The following EVC2 variants were observed in gnomAD, a reference collection of about 807,000 sequenced individuals.
EVC2 encodes the protein EvC ciliary complex subunit 2.
Under a neutral mutation model 149.3 loss-of-function variants are expected in EVC2, and 148 were observed. That is an observed-to-expected ratio of 0.99 (90% CI 0.87 to 1.14). The LOEUF (loss-of-function observed/expected upper bound fraction) is 1.14, where lower values mean the gene tolerates loss of function less well. Ranked by LOEUF, EVC2 falls within the 50% of genes most tolerant of loss-of-function variation. The pLI is 0.00. For missense variants in EVC2, 1,854 were observed against 1,627.3 expected (o/e 1.14, Z -2.40); for synonymous variants, 776 against 649.9 (o/e 1.19, Z -2.95).
intron 21 of EVC2, among the ~76,000 whole-genome samples, chr4:5,555,175 G>A (rs865937490): frequency 6.6e-6 from 1 of 152,012 alleles, no homozygotes; most frequent in Middle Eastern, 3.4e-3. Flanking sequence ...TATGTTAAGA[G>A]AGGAGATAAA....
At chr4:5,676,214 C>A (rs11729912) in intron 7 of EVC2, among the ~76,000 whole-genome samples, 52,082 of 151,970 alleles carry the variant, frequency 0.34, 9,694 homozygotes, top group East Asian at 0.48. Context: ...ATCCAGGAGA[C>A]AGAAAGGGGA....
intron 13 of EVC2, among the ~76,000 whole-genome samples, chr4:5,623,816 A>AGAGAGGG (rs1715913018): frequency 2.0e-5 from 3 of 152,066 alleles, no homozygotes; most frequent in South Asian, 4.1e-4. Flanking sequence ...CTGCGCCTCC[A>AGAGAGGG]TTTCCCTATC....
intron 17 of EVC2, among the ~76,000 whole-genome samples, chr4:5,577,055 G>A (rs1366099867): frequency 6.6e-6 from 1 of 152,218 alleles, no homozygotes; most frequent in African/African-American, 2.4e-5. Context: ...AGGGTGCCGA[G>A]CACTGCTCTG....
At chr4:5,703,105 G>A (rs1348896992) in intron 1 of EVC2, among the ~76,000 whole-genome samples, 1 of 152,150 alleles carries the variant, frequency 6.6e-6, no homozygotes, top group Non-Finnish European at 1.5e-5. Context: ...ATGGCATACT[G>A]TATAGCAAAA....
chr4:5,566,673 C>T (rs1414597148), intron 20 of EVC2, among the ~76,000 whole-genome samples: 1 of 152,170 alleles, frequency 6.6e-6, no homozygotes, highest in Non-Finnish European at 1.5e-5. Context: ...GGCCATGAGG[C>T]TGGGCAAAGA....
chr4:5,690,639 G>A (rs773996308), intron 4 of EVC2, among the ~76,000 whole-genome samples: 8 of 152,086 alleles, frequency 5.3e-5, no homozygotes, highest in African/African-American at 1.2e-4. Flanking sequence ...TATTCCATCC[G>A]GATTGTCAAA....
In EVC2 at chr4:5,637,964, A is replaced by C. The variant is rs1243084985; in HGVS notation, c.1470+2550T>G. 6.6e-6 allele frequency among the ~76,000 whole-genome samples: 1 copy of C among 152,192 alleles called. No homozygotes were observed. The highest frequency in any genetic ancestry group is 1.5e-5 in the Non-Finnish European group (1 of 68,036). On this transcript the variant is annotated intron_variant, in intron 10 of 21. Coordinates refer to ENST00000344408, the MANE Select transcript of EVC2 (RefSeq NM_147127.5). This position sits in a 1 kb window ranked among gnomAD's most constrained non-coding sequence, Gnocchi z 4.4. Reference sequence around the variant, plus strand: ...TTTTAAAACTCTTTAAAAATGTAAAAAAACATTCTCAACTTGCAGGCCACA... The same window carrying C: ...TTTTAAAACTCTTTAAAAATGTAAACAAACATTCTCAACTTGCAGGCCACA...
chr4:5,696,665 G>A lies in EVC2; in HGVS notation c.283+928C>T, dbSNP rs935354254. 1.1e-4 allele frequency among the ~76,000 whole-genome samples: 16 copies of A among 152,238 alleles called. No individual in the cohort carries two copies. The highest frequency in any genetic ancestry group is 3.9e-4 in the African/African-American group (16 of 41,466). ...CCAGAGGAAAGCAGGGCGGCTGAGA[G>A]GGAAGGAGAAAGGCAGAGCCGTAGG... On this transcript the variant is annotated intron_variant, in intron 2 of 21. Transcript: ENST00000344408. This position sits in a 1 kb window ranked among gnomAD's most constrained non-coding sequence, Gnocchi z 4.1.
chr4:5,602,072 C>A (rs1172462392), intron 16 of EVC2, among the ~76,000 whole-genome samples: 1 of 151,978 alleles, frequency 6.6e-6, no homozygotes, highest in Admixed American at 6.5e-5. Flanking sequence ...GCCAAGAGTT[C>A]AAGACCAGCC....
At chr4:5,693,486 C>A (rs1245968633) in intron 3 of EVC2, among the ~76,000 whole-genome samples, 2 of 152,188 alleles carry the variant, frequency 1.3e-5, no homozygotes, top group Non-Finnish European at 2.9e-5. Flanking sequence ...CCAGCCACAG[C>A]CAAGGATGGC....
At chr4:5,643,548 T>C (rs1717492235) in intron 9 of EVC2, among the ~76,000 whole-genome samples, 1 of 152,262 alleles carries the variant, frequency 6.6e-6, no homozygotes, top group African/African-American at 2.4e-5. Flanking sequence ...CATGTCAATT[T>C]AATTCTTGGG....
At position 5,567,751 on chromosome 4, in the gene EVC2, CG is replaced by C. The variant is rs1722378327; in HGVS notation, c.3557+692del. 6.6e-6 allele frequency among the ~76,000 whole-genome samples: 1 copy of C among 152,068 alleles called. No homozygotes were observed. Among genetic ancestry groups the C allele is most frequent in the Non-Finnish European group, 1.5e-5 (1 of 68,010 alleles). ...TGGGCCCAAACTGAATGTCAAGTGA[CG>C]GGATGACAGTTACATGCTCTATGCT... is the stretch of plus-strand genomic sequence containing the variant. On this transcript the variant is annotated intron_variant, in intron 20 of 21. Transcript: ENST00000344408. The surrounding 1 kb of genome is among the most constrained non-coding windows in gnomAD (Gnocchi z 4.4).
intron 4 of EVC2, 30 bp from the exon 5 acceptor site, chr4:5,689,373 G>T (rs1476244614): frequency 6.2e-7 from 1 of 1,612,732 alleles, no homozygotes; most frequent in Admixed American, 1.7e-5. Context: ...CATGAGGGCA[G>T]ATTTGCTGAC....
chr4:5,703,963 C>A (rs868583928), intron 1 of EVC2, among the ~76,000 whole-genome samples: 2 of 152,044 alleles, frequency 1.3e-5, no homozygotes, highest in Non-Finnish European at 2.9e-5. Flanking sequence ...AGAGGAAAGA[C>A]CCGTGCAAGG....
rs1161122176 is a variant in EVC2 at position 5,640,731 on chromosome 4, C to T, written c.1253G>A (p.Gly418Asp). The T allele has an allele frequency of 3.7e-6, 6 of 1,614,112 alleles. No homozygotes were observed. The highest frequency in any genetic ancestry group is 4.2e-6 in the Non-Finnish European group (5 of 1,180,024). ...TCTCTCTACTTGGGGTGAGAGGTGG[C>T]CACTGCTGGTGAGATTTTTCAGCAG... ...ALLLKNLTSS[G>D]HLSPQVERKM... The change falls in exon 10 of 22, where the codon GGC becomes GAC. Residue 418 changes from glycine to aspartate, a missense_variant. Coordinates refer to ENST00000344408, the MANE Select transcript of EVC2 (RefSeq NM_147127.5). This position sits in a 1 kb window ranked among gnomAD's most constrained non-coding sequence, Gnocchi z 4.6.
intron 1 of EVC2, among the ~76,000 whole-genome samples, chr4:5,698,805 G>A (rs1011570122): frequency 2.6e-5 from 4 of 152,214 alleles, no homozygotes; most frequent in African/African-American, 7.2e-5. Context: ...TGCACGCAAC[G>A]GCTGGTTTCT....
chr4:5,689,357 A>C lies in EVC2; in HGVS notation c.520-14T>G, dbSNP rs753422557. ...CGACCCAGACACCTAGGGCAGAAGG[A>C]GAAGGCATGAGGGCAGATTTGCTGA... On this transcript the variant is annotated splice_polypyrimidine_tract_variant and intron_variant, in intron 4 of 21. Transcript: ENST00000344408. 16 of 1,613,762 alleles carry C rather than the reference A, an allele frequency of 9.9e-6. No individual in the cohort carries two copies. Among genetic ancestry groups the C allele is most frequent in the Non-Finnish European group, 1.4e-5 (16 of 1,180,000 alleles).
chr4:5,612,004 A>G (rs1034853289), intron 16 of EVC2, among the ~76,000 whole-genome samples: 11 of 152,312 alleles, frequency 7.2e-5, no homozygotes, highest in Middle Eastern at 3.4e-3. Context: ...TTACAGATTA[A>G]CTTCCCTCTT....
intron 16 of EVC2, among the ~76,000 whole-genome samples, chr4:5,585,422 G>A (rs180730516): frequency 6.6e-6 from 1 of 152,146 alleles, no homozygotes; most frequent in Non-Finnish European, 1.5e-5. Flanking sequence ...CCACGGAAGC[G>A]GTCTCACTTC....
Sources: allele counts gnomAD v4.1 joint callset (sites outside exome capture counted in the v4.1 genomes callset), GRCh38; gene constraint gnomAD v4.1.1; non-coding constraint Gnocchi (gnomAD v3.1); transcripts MANE v1.5; gene names NCBI Gene and HGNC (gene_info 2026-07-23, HGNC 2026-07-21).